The following RAD51B variants were observed in gnomAD, a reference collection of about 807,000 sequenced individuals.
RAD51B encodes RAD51 paralog B, also known as DNA repair protein RAD51 homolog 2.
In RAD51B, 38 loss-of-function variants were observed where a neutral mutation model predicts 42.2. The ratio of observed to expected loss-of-function variants is 0.90; its 90% CI spans 0.70 to 1.18. The LOEUF is 1.18. Among genes scored for constraint, RAD51B ranks in the 50% most tolerant of loss-of-function variants. The probability of loss-of-function intolerance (pLI) is 0.00; values close to 1 mark genes in which losing one functional copy is unlikely to be tolerated. For missense variants in RAD51B, 373 were observed against 400.7 expected (o/e 0.93, Z 0.59); for synonymous variants, 154 against 145.2 (o/e 1.06, Z -0.43).
intron 7 of RAD51B, among the ~76,000 whole-genome samples, chr14:67,940,916 A>G (rs1283974428): frequency 6.6e-6 from 1 of 152,038 alleles, no homozygotes; most frequent in East Asian, 1.9e-4. Context: ...CTACTCTCCA[A>G]TTCATGTTTC....
At chr14:68,622,237 G>A (rs1436036927) in intron 10 of RAD51B, among the ~76,000 whole-genome samples, 1 of 152,206 alleles carries the variant, frequency 6.6e-6, no homozygotes, top group East Asian at 1.9e-4. Flanking sequence ...ACAGACGCCA[G>A]ATGCTCTAAG....
At chr14:68,043,970 T>A (rs1333824067) in intron 7 of RAD51B, among the ~76,000 whole-genome samples, 2 of 152,192 alleles carry the variant, frequency 1.3e-5, no homozygotes, top group Non-Finnish European at 1.5e-5. Context: ...AACCATAAAC[T>A]TTTTAAAGAA....
chr14:67,835,331 T>C lies in RAD51B; in HGVS notation c.315+135T>C, dbSNP rs2041199603. 2.3e-5 allele frequency: 16 copies of C among 690,970 alleles called. No homozygotes were observed. The South Asian group carries it at 2.6e-4, about 11-fold the overall frequency. The allele number at this position is 690,970 out of a possible 1,614,324, so 42.8% of individuals were successfully genotyped here. On this transcript the variant is annotated intron_variant, in intron 4 of 10. Transcript: ENST00000471583. ...AATTATAAGTACTTCAAGGATATGG[T>C]TCTCCACTCAGTACTTAGTGTGGTT...
chr14:68,119,384 T>G (rs1467357806), intron 7 of RAD51B, among the ~76,000 whole-genome samples: 4 of 150,620 alleles, frequency 2.7e-5, no homozygotes, highest in Non-Finnish European at 5.9e-5. Context: ...TAGTTACATA[T>G]GTATACATGT....
chr14:68,532,090 T>G (rs1035389581), intron 10 of RAD51B, among the ~76,000 whole-genome samples: 5 of 152,144 alleles, frequency 3.3e-5, no homozygotes, highest in Non-Finnish European at 7.3e-5. Context: ...CAAAGGAAGG[T>G]CTCAACAAAT....
chr14:68,502,396 C>A (rs774241759), intron 10 of RAD51B, among the ~76,000 whole-genome samples: 1 of 152,184 alleles, frequency 6.6e-6, no homozygotes, highest in Non-Finnish European at 1.5e-5. Flanking sequence ...CCGACTCCCC[C>A]CACGGGCCGC....
rs1400554746 is a variant in RAD51B, at chr14:67,933,060, A to T, written c.756+45856A>T. Reference sequence around the variant, plus strand: ...CTCCAGACAGCTATTATGCTTACCCATCTGGGTTCCTAGTGACAGCTACTG... The same window carrying T: ...CTCCAGACAGCTATTATGCTTACCCTTCTGGGTTCCTAGTGACAGCTACTG... On this transcript the variant is annotated intron_variant, in intron 7 of 10. Coordinates refer to ENST00000471583, the MANE Select transcript of RAD51B (RefSeq NM_133510.4). Among the ~76,000 whole-genome samples the T allele has an allele frequency of 2.6e-5, 4 of 152,194 alleles. No individual in the cohort carries two copies. The South Asian group carries it at 8.3e-4, about 32-fold the overall frequency.
chr14:68,247,561 G>A (rs1385612595), intron 7 of RAD51B, among the ~76,000 whole-genome samples: 1 of 152,190 alleles, frequency 6.6e-6, no homozygotes, highest in Non-Finnish European at 1.5e-5. Flanking sequence ...CAGATTCCCT[G>A]TAATTTTAAG....
chr14:68,496,763 C>T (rs1465181754), intron 10 of RAD51B, among the ~76,000 whole-genome samples: 1 of 152,202 alleles, frequency 6.6e-6, no homozygotes, highest in African/African-American at 2.4e-5. Flanking sequence ...TTAACAGGAG[C>T]TTGGAAGAAG....
intron 9 of RAD51B, among the ~76,000 whole-genome samples, chr14:68,461,294 C>T (rs1379495548): frequency 6.7e-6 from 1 of 149,286 alleles, no homozygotes; most frequent in Non-Finnish European, 1.5e-5. Context: ...ATACCCTGTC[C>T]AGCTCCCTTC....
intron 7 of RAD51B, among the ~76,000 whole-genome samples, chr14:68,002,532 A>C (rs914109474): frequency 5.9e-5 from 9 of 152,078 alleles, no homozygotes; most frequent in Non-Finnish European, 1.0e-4. Flanking sequence ...AAGCTCTTCA[A>C]TTAGATCTCA....
intron 10 of RAD51B, among the ~76,000 whole-genome samples, chr14:68,511,351 G>T (rs970724956): frequency 3.3e-5 from 5 of 152,258 alleles, no homozygotes; most frequent in South Asian, 4.1e-4. Context: ...AGGGAAACAG[G>T]TACCAAATCC....
intron 8 of RAD51B, among the ~76,000 whole-genome samples, chr14:68,293,612 G>C (rs1185829222): frequency 1.3e-5 from 2 of 152,094 alleles, no homozygotes; most frequent in Non-Finnish European, 2.9e-5. Context: ...AGCTCACCTA[G>C]AACAGTGCTT....
chr14:68,031,561 CA>C (rs1408173580), intron 7 of RAD51B, among the ~76,000 whole-genome samples: 4 of 152,098 alleles, frequency 2.6e-5, no homozygotes, highest in African/African-American at 9.7e-5. Flanking sequence ...AGTGTTGCCA[CA>C]AACCTTCAAT....
At chr14:67,823,441 TGAG>T in intron 1 of RAD51B, 98 bp from the exon 2 acceptor site, 1 of 866,944 alleles carries the variant, frequency 1.2e-6, no homozygotes, top group Non-Finnish European at 1.8e-6. Flanking sequence ...TGGAGAAACT[TGAG>T]GAATTTTTAA....
chr14:68,506,677 G>A (rs183018912), intron 10 of RAD51B, among the ~76,000 whole-genome samples: 19 of 152,310 alleles, frequency 1.2e-4, no homozygotes, highest in Admixed American at 4.6e-4. Flanking sequence ...ACACCTAGGC[G>A]CTCTCATTTA....
At chr14:68,034,470 T>C (rs1302522292) in intron 7 of RAD51B, among the ~76,000 whole-genome samples, 2 of 152,126 alleles carry the variant, frequency 1.3e-5, no homozygotes, top group Non-Finnish European at 2.9e-5. Context: ...AGTCTCACTG[T>C]GTTTCCAAGG....
chr14:68,661,348 T>C (rs532951587), intron 11 of RAD51B, among the ~76,000 whole-genome samples: 3 of 152,252 alleles, frequency 2.0e-5, no homozygotes, highest in African/African-American at 4.8e-5. Flanking sequence ...AGGAACCATG[T>C]CTGTTGCTGT....
chr14:68,087,405 A>T (rs967907292), intron 7 of RAD51B, among the ~76,000 whole-genome samples: 1 of 152,168 alleles, frequency 6.6e-6, no homozygotes, highest in Non-Finnish European at 1.5e-5. Flanking sequence ...TACCTTAATT[A>T]GCAAAGATAT....
Sources: allele counts gnomAD v4.1 joint callset (sites outside exome capture counted in the v4.1 genomes callset), GRCh38; gene constraint gnomAD v4.1.1; transcripts MANE v1.5; gene names NCBI Gene and HGNC (gene_info 2026-07-23, HGNC 2026-07-21).